The following STAU2 variants were observed in gnomAD, a reference collection of about 807,000 sequenced individuals.
STAU2 encodes staufen double-stranded RNA binding protein 2, also known as double-stranded RNA-binding protein Staufen homolog 2.
A neutral mutation model predicts 65.9 loss-of-function variants in STAU2; 20 were observed. The observed-to-expected ratio is 0.30, with a 90% CI of 0.21 to 0.44. The LOEUF is 0.44. STAU2 is among the 20% of genes least tolerant of loss of function. The pLI, the probability that STAU2 is intolerant of heterozygous loss-of-function variation, is 1.00. For synonymous variants in STAU2, 232 were observed against 233.9 expected, an observed-to-expected ratio of 0.99 and a Z score of 0.07; for missense variants, 558 against 683.9, an observed-to-expected ratio of 0.82 and a Z score of 2.05.
chr8:73,582,921 C>CCT, intron 11 of STAU2, 91 bp from the exon 12 acceptor site: 1 of 1,144,620 alleles, frequency 8.7e-7, no homozygotes, highest in South Asian at 1.4e-5. Context: ...AAGGCAAAGT[C>CCT]CTCTCACATG....
intron 12 of STAU2, among the ~76,000 whole-genome samples, chr8:73,576,067 T>C (rs1391120689): frequency 6.6e-6 from 1 of 152,146 alleles, no homozygotes; most frequent in Non-Finnish European, 1.5e-5. Context: ...CATGGAAAAT[T>C]AGATACTTTG....
intron 4 of STAU2, among the ~76,000 whole-genome samples, chr8:73,689,991 G>C (rs1395762771): frequency 6.7e-6 from 1 of 148,590 alleles, no homozygotes; most frequent in African/African-American, 2.5e-5. Context: ...AAATGTCAAT[G>C]TCATAAAAGG....
chr8:73,531,493 T>C (rs780501392), intron 13 of STAU2, among the ~76,000 whole-genome samples: 50 of 152,240 alleles, frequency 3.3e-4, no homozygotes, highest in Non-Finnish European at 6.9e-4. Context: ...AAATTAAACG[T>C]AATAATATGC....
At chr8:73,686,869 C>T (rs139256357) in intron 5 of STAU2, among the ~76,000 whole-genome samples, 4 of 148,850 alleles carry the variant, frequency 2.7e-5, no homozygotes, top group African/African-American at 4.9e-5. Flanking sequence ...AGGTGGTTTG[C>T]GGAATTTGTG....
At chr8:73,551,049 A>G in intron 13 of STAU2, 1 of 986,818 alleles carries the variant, frequency 1.0e-6, no homozygotes, top group Non-Finnish European at 1.2e-6. Flanking sequence ...AGATGAAAAC[A>G]GTGAAATCTG....
At chr8:73,729,984 T>C (rs1805931706) in intron 3 of STAU2, among the ~76,000 whole-genome samples, 1 of 152,232 alleles carries the variant, frequency 6.6e-6, no homozygotes, top group Non-Finnish European at 1.5e-5. Flanking sequence ...AATCAAACTT[T>C]TGGTTTCACT....
chr8:73,613,986 T>C, intron 8 of STAU2, 30 bp from the exon 9 acceptor site: 1 of 1,513,416 alleles, frequency 6.6e-7, no homozygotes, highest in Non-Finnish European at 9.0e-7. Flanking sequence ...TATTAAATAA[T>C]GGATAGGCAC....
chr8:73,698,016 A>T (rs1819802248), intron 4 of STAU2, among the ~76,000 whole-genome samples: 1 of 151,980 alleles, frequency 6.6e-6, no homozygotes, highest in Non-Finnish European at 1.5e-5. Context: ...GGAGGCAGAG[A>T]TTGCAGTGAG....
chr8:73,543,200 A>C (rs1439122996), intron 13 of STAU2, among the ~76,000 whole-genome samples: 1 of 152,216 alleles, frequency 6.6e-6, no homozygotes, highest in African/African-American at 2.4e-5. Context: ...CACCTATATG[A>C]AATCAGTGAA....
At chr8:73,550,991 G>T in intron 13 of STAU2, 1 of 986,080 alleles carries the variant, frequency 1.0e-6, no homozygotes, top group Non-Finnish European at 1.2e-6. Flanking sequence ...ATTTCTAAAG[G>T]ATATTACAGT....
intron 3 of STAU2, among the ~76,000 whole-genome samples, chr8:73,722,330 AC>A (rs1449882423): frequency 6.6e-6 from 1 of 152,200 alleles, no homozygotes; most frequent in Non-Finnish European, 1.5e-5. Context: ...TCATGTATTT[AC>A]CCAAGTAGTT....
intron 12 of STAU2, among the ~76,000 whole-genome samples, chr8:73,566,398 C>T (rs1178263123): frequency 6.6e-6 from 1 of 152,046 alleles, no homozygotes; most frequent in Non-Finnish European, 1.5e-5. Flanking sequence ...TTACATGATC[C>T]ACCCAAATAT....
intron 12 of STAU2, among the ~76,000 whole-genome samples, chr8:73,582,347 T>A (rs1338518990): frequency 6.6e-6 from 1 of 151,600 alleles, no homozygotes; most frequent in Non-Finnish European, 1.5e-5. Flanking sequence ...TATAAAAATT[T>A]GTGTGCATAA....
chr8:73,663,573 A>G (rs894954615), intron 6 of STAU2, among the ~76,000 whole-genome samples: 3 of 152,130 alleles, frequency 2.0e-5, no homozygotes, highest in Middle Eastern at 3.4e-3. Flanking sequence ...AACAATTTGC[A>G]GTAGCCAAAT....
intron 13 of STAU2, among the ~76,000 whole-genome samples, chr8:73,519,633 C>G (rs1822936052): frequency 6.6e-6 from 1 of 152,266 alleles, no homozygotes; most frequent in South Asian, 2.1e-4. Context: ...ATAGGGCCAC[C>G]ACTAGAAAAA....
At chr8:73,746,460 C>G (rs564467495) in intron 1 of STAU2, among the ~76,000 whole-genome samples, 1 of 152,002 alleles carries the variant, frequency 6.6e-6, no homozygotes, top group African/African-American at 2.4e-5. Flanking sequence ...TCCGCACCCC[C>G]ACTTGGCCCG....
chr8:73,637,477 T>TAAAAAAAAAAAAAAAAAAAAAAAAAAAG (rs1814620819), intron 6 of STAU2, among the ~76,000 whole-genome samples: 1 of 57,086 alleles, frequency 1.8e-5, no homozygotes, highest in Non-Finnish European at 3.0e-5. Context: ...GTGCTGAAAG[T>TAAAAAAAAAAAAAAAAAAAAAAAAAAAG]AAAAAAAAAA....
At chr8:73,425,410 C>T (rs746936138) in intron 13 of STAU2, among the ~76,000 whole-genome samples, 5 of 152,146 alleles carry the variant, frequency 3.3e-5, no homozygotes, top group African/African-American at 4.8e-5. Flanking sequence ...GCAAAGCACT[C>T]GAAGTGAGGA....
At chr8:73,512,423 T>C (rs1459312777) in intron 13 of STAU2, among the ~76,000 whole-genome samples, 1 of 152,202 alleles carries the variant, frequency 6.6e-6, no homozygotes, top group South Asian at 2.1e-4. Flanking sequence ...TAATTTCTTT[T>C]AGCAATATTT....
Sources: allele counts gnomAD v4.1 joint callset (sites outside exome capture counted in the v4.1 genomes callset), GRCh38; gene constraint gnomAD v4.1.1; transcripts MANE v1.5; gene names NCBI Gene and HGNC (gene_info 2026-07-23, HGNC 2026-07-21).